TSNARE1: variants seen among roughly 807,000 people sequenced by gnomAD.
The protein encoded by TSNARE1 is t-SNARE domain-containing protein 1.
In TSNARE1, 49 loss-of-function variants were observed where a neutral mutation model predicts 62.0. The observed-to-expected ratio is 0.79, with a 90% CI of 0.63 to 1.00. The LOEUF (loss-of-function observed/expected upper bound fraction) is 1.00, where lower values mean the gene tolerates loss of function less well. Among genes scored for constraint, TSNARE1 ranks in the 50% least tolerant of loss-of-function variants. The pLI is 0.00. For missense variants in TSNARE1, 755 were observed against 700.1 expected (o/e 1.08, Z -0.88); for synonymous variants, 328 against 294.4 (o/e 1.11, Z -1.17).
At chr8:142,365,810 T>C in intron 1 of TSNARE1, 1 of 336,414 alleles carries the variant, frequency 3.0e-6, no homozygotes, top group East Asian at 1.0e-4. Flanking sequence ...TGGAAATTAT[T>C]TTTTAATCAT....
chr8:142,368,907 C>T (rs1835741316), intron 1 of TSNARE1, among the ~76,000 whole-genome samples: 1 of 152,196 alleles, frequency 6.6e-6, no homozygotes, highest in South Asian at 2.1e-4. Flanking sequence ...GGCAGAGCAC[C>T]TTCCTGGGCC....
At chr8:142,341,463 G>A (rs73714130) in intron 4 of TSNARE1, among the ~76,000 whole-genome samples, 2,917 of 152,292 alleles carry the variant, frequency 0.019, 97 homozygotes, top group African/African-American at 0.067. Context: ...GAGGGCCCTG[G>A]CAGGCTAGCA....
intron 12 of TSNARE1, among the ~76,000 whole-genome samples, chr8:142,248,478 C>T (rs941543997): frequency 4.6e-5 from 7 of 152,104 alleles, no homozygotes; most frequent in African/African-American, 1.7e-4. Context: ...AAAGATTGCT[C>T]TTGCCTCACT....
In TSNARE1 at chr8:142,229,594, G is replaced by A. The variant is rs370436739; in HGVS notation, c.1447-15C>T. On this transcript the variant is annotated splice_polypyrimidine_tract_variant and intron_variant, in intron 12 of 13. Coordinates refer to ENST00000524325, the MANE Select transcript of TSNARE1 (RefSeq NM_145003.5). ...TGTCTCTGGAGCTGGGAGAGAGAGA[G>A]AGGTTGTTTCCATATCCTGGTCCTC... 5.3e-4 allele frequency: 852 copies of A among 1,611,850 alleles called. 10 individuals carry two copies. In the South Asian group the frequency reaches 8.8e-3, roughly 17 times the overall value.
chr8:142,247,081 T>A (rs939814393), intron 12 of TSNARE1, among the ~76,000 whole-genome samples: 12 of 152,158 alleles, frequency 7.9e-5, no homozygotes, highest in Non-Finnish European at 1.5e-4. Context: ...CCGATGCCAG[T>A]CCTGAGCCAA....
intron 8 of TSNARE1, 80 bp downstream of exon 8, chr8:142,314,923 G>C (rs1252369152): frequency 6.6e-6 from 9 of 1,362,758 alleles, no homozygotes; most frequent in Admixed American, 3.4e-5. Flanking sequence ...ACAGGGACAA[G>C]ACAGCCATGA....
At chr8:142,393,598 C>G (rs1008508174) in intron 1 of TSNARE1, among the ~76,000 whole-genome samples, 1 of 152,246 alleles carries the variant, frequency 6.6e-6, no homozygotes, top group Non-Finnish European at 1.5e-5. Context: ...AAACGCCACG[C>G]CCGAAGGTGC....
chr8:142,279,937 G>A (rs1287911845), intron 11 of TSNARE1: 2 of 1,099,238 alleles, frequency 1.8e-6, no homozygotes, highest in African/African-American at 3.4e-5. Context: ...GCGCTCCACA[G>A]GTGTGAGGAG....
chr8:142,297,158 C>G (rs534386055), intron 10 of TSNARE1, among the ~76,000 whole-genome samples: 1 of 152,324 alleles, frequency 6.6e-6, no homozygotes, highest in African/African-American at 2.4e-5. Flanking sequence ...CAGCATGTCC[C>G]CAGCCTGGCC....
intron 12 of TSNARE1, among the ~76,000 whole-genome samples, chr8:142,259,720 G>A (rs750105951): frequency 2.0e-5 from 3 of 152,126 alleles, no homozygotes; most frequent in East Asian, 1.9e-4. Context: ...CAGCACCGGC[G>A]CAGGCCCCTT....
At chr8:142,361,391 G>A (rs985233109) in intron 1 of TSNARE1, among the ~76,000 whole-genome samples, 9 of 152,226 alleles carry the variant, frequency 5.9e-5, no homozygotes, top group Admixed American at 4.6e-4. Flanking sequence ...GCGCAGGGAC[G>A]GGCTCCTCGG....
At chr8:142,328,594 G>C (rs1830572521) in intron 6 of TSNARE1, among the ~76,000 whole-genome samples, 1 of 152,200 alleles carries the variant, frequency 6.6e-6, no homozygotes, top group Non-Finnish European at 1.5e-5. Flanking sequence ...AAAATTATTT[G>C]AGCGCTAGTT....
intron 4 of TSNARE1, among the ~76,000 whole-genome samples, chr8:142,340,339 C>A (rs927719387): frequency 6.6e-6 from 1 of 152,190 alleles, no homozygotes; most frequent in Non-Finnish European, 1.5e-5. Flanking sequence ...GATCACAGAG[C>A]AGACAGAGGC....
intron 10 of TSNARE1, 83 bp from the exon 11 acceptor site, chr8:142,284,568 G>A: frequency 8.3e-7 from 1 of 1,198,546 alleles, no homozygotes; most frequent in Non-Finnish European, 1.2e-6. Context: ...CATGGAACCT[G>A]GGGCGGGCCC....
chr8:142,352,514 C>T (rs954162541), intron 2 of TSNARE1, among the ~76,000 whole-genome samples: 14 of 152,380 alleles, frequency 9.2e-5, no homozygotes, highest in African/African-American at 2.6e-4. Flanking sequence ...CTGTGAGGGA[C>T]GACACAGGAG....
At chr8:142,280,420 C>G (rs1001462362) in intron 11 of TSNARE1, 12 of 770,308 alleles carry the variant, frequency 1.6e-5, no homozygotes, top group Non-Finnish European at 1.9e-5. Context: ...CATCTGTGCA[C>G]AGCGGCCAGG....
intron 1 of TSNARE1, among the ~76,000 whole-genome samples, chr8:142,391,474 T>C (rs1334245847): frequency 1.3e-5 from 2 of 152,170 alleles, no homozygotes; most frequent in Non-Finnish European, 2.9e-5. Flanking sequence ...ACTTGCAACA[T>C]TGCAGGTGAC....
chr8:142,303,627 T>C (rs1037826121), intron 9 of TSNARE1, among the ~76,000 whole-genome samples: 3 of 152,150 alleles, frequency 2.0e-5, no homozygotes, highest in Admixed American at 1.3e-4. Context: ...TACAGACAGA[T>C]GAACCCCGGC....
chr8:142,268,406 C>T (rs1250119792), intron 12 of TSNARE1, among the ~76,000 whole-genome samples: 1 of 152,202 alleles, frequency 6.6e-6, no homozygotes, highest in Non-Finnish European at 1.5e-5. Context: ...GTCTTCTCTG[C>T]CTGAGGTACT....
Sources: gnomAD v4.1 joint callset for allele counts (sites outside exome capture counted in the v4.1 genomes callset) on GRCh38, gnomAD v4.1.1 for gene constraint, MANE v1.5 for transcripts, NCBI Gene and HGNC (gene_info 2026-07-23, HGNC 2026-07-21) for gene names.